Variants in BIN3 observed in about 807,000 individuals in gnomAD.
The protein encoded by BIN3 is bridging integrator 3.
Under a neutral mutation model 38.2 loss-of-function variants are expected in BIN3, and 41 were observed. The observed-to-expected ratio is 1.07, with a 90% CI of 0.84 to 1.39. BIN3 has a LOEUF of 1.39. Among genes scored for constraint, BIN3 ranks in the 40% most tolerant of loss-of-function variants. The probability of loss-of-function intolerance (pLI) is 0.00; values close to 1 mark genes in which losing one functional copy is unlikely to be tolerated. For synonymous variants in BIN3, 145 were observed against 122.6 expected, an observed-to-expected ratio of 1.18 and a Z score of -1.21; for missense variants, 361 against 324.3, an observed-to-expected ratio of 1.11 and a Z score of -0.87.
rs538504446 is a variant in BIN3 at position 22,635,252 on chromosome 8, G to T, written c.160+1273C>A. On this transcript the variant is annotated intron_variant, in intron 4 of 8. Coordinates refer to ENST00000276416, the MANE Select transcript of BIN3 (RefSeq NM_018688.6). ...CTCCTTATTTTTATTGACCTTGCAC[G>T]CCACGACGTGTCATTATATACCGAT... 1.3e-4 allele frequency among the ~76,000 whole-genome samples: 20 copies of T among 152,168 alleles called. No individual in the cohort carries two copies. The South Asian group carries it at 3.9e-3, about 30-fold the overall frequency.
At chr8:22,628,080 C>T (rs559767131) in intron 6 of BIN3, among the ~76,000 whole-genome samples, 6 of 152,266 alleles carry the variant, frequency 3.9e-5, no homozygotes, top group Non-Finnish European at 5.9e-5. Context: ...GGAAGGTGAG[C>T]GAGGCCGGCT....
intron 8 of BIN3, among the ~76,000 whole-genome samples, chr8:22,621,942 G>T (rs537874789): frequency 6.6e-6 from 1 of 152,372 alleles, no homozygotes; most frequent in East Asian, 1.9e-4. Flanking sequence ...CAGAAAGACA[G>T]CATGGTAGGC....
At chr8:22,622,294 C>T (rs1257977968) in intron 8 of BIN3, among the ~76,000 whole-genome samples, 1 of 152,232 alleles carries the variant, frequency 6.6e-6, no homozygotes, top group African/African-American at 2.4e-5. Flanking sequence ...CATGCAGTTT[C>T]CTGAAAGCTT....
intron 4 of BIN3, among the ~76,000 whole-genome samples, chr8:22,632,355 G>A (rs1226095889): frequency 2.6e-5 from 4 of 152,160 alleles, no homozygotes; most frequent in Non-Finnish European, 4.4e-5. Flanking sequence ...TAGCCAGCCC[G>A]GAGCACCCTC....
intron 8 of BIN3, among the ~76,000 whole-genome samples, chr8:22,621,884 T>C (rs1403158060): frequency 3.3e-5 from 5 of 152,214 alleles, no homozygotes; most frequent in Non-Finnish European, 5.9e-5. Flanking sequence ...GACTGGAGTT[T>C]TACTGCTTTT....
At chr8:22,659,406 G>A (rs1178384267) in intron 1 of BIN3, among the ~76,000 whole-genome samples, 6 of 152,200 alleles carry the variant, frequency 3.9e-5, no homozygotes, top group South Asian at 2.1e-4. Context: ...GTGACTTGGC[G>A]GTTTGTGACT....
chr8:22,638,033 AC>A (rs1265197799), intron 2 of BIN3, among the ~76,000 whole-genome samples: 6 of 152,124 alleles, frequency 3.9e-5, no homozygotes, highest in African/African-American at 1.4e-4. Flanking sequence ...TGTGTTCGTA[AC>A]CATCATTCTC....
At chr8:22,663,638 G>GA (rs1803316211) in intron 1 of BIN3, among the ~76,000 whole-genome samples, 1 of 152,086 alleles carries the variant, frequency 6.6e-6, no homozygotes, top group Admixed American at 6.5e-5. Flanking sequence ...GCATGGCACT[G>GA]AAAGCACTAT....
chr8:22,629,980 T>A lies in BIN3; in HGVS notation c.322A>T (p.Ile108Phe). The A allele has an allele frequency of 6.2e-7, 1 of 1,609,632 alleles. No individual in the cohort carries two copies. The highest frequency in any genetic ancestry group is 8.5e-7 in the Non-Finnish European group (1 of 1,177,800). Residue 108 changes from isoleucine (I) to phenylalanine (F), a missense_variant, in exon 6 of 9, where the codon ATC becomes TTC. By Grantham distance (21) the Ile-to-Phe change is conservative. Coordinates refer to ENST00000276416, the MANE Select transcript of BIN3 (RefSeq NM_018688.6). ...TTTACTCACTTTTTTAAGGGCTCGA[T>A]CACAGTCTTCTGGATCTGGTTCACC... ...EKVNQIQKTV[I>F]EPLKKFGSVF... is the part of the protein sequence containing the mutation.
At chr8:22,622,287 G>A (rs1190367660) in intron 8 of BIN3, among the ~76,000 whole-genome samples, 1 of 152,246 alleles carries the variant, frequency 6.6e-6, no homozygotes, top group African/African-American at 2.4e-5. Flanking sequence ...ATGAAAGCAT[G>A]CAGTTTCCTG....
At chr8:22,645,604 C>G (rs369931279) in intron 1 of BIN3, among the ~76,000 whole-genome samples, 34 of 134,578 alleles carry the variant, frequency 2.5e-4, no homozygotes. Context: ...GGAAGACACC[C>G]GCGAGGATGG....
Position 22,621,528 on chromosome 8 carries a change from A to G in BIN3, c.656T>C (p.Leu219Pro). ...YSEMHKIFGD[L>P]SHQLDQPGHS... ...GCCTGGCTGGTCAAGCTGATGGGAC[A>G]GGTCTCCAAAGATCTTGTGCATTTC... The change falls in exon 9 of 9, where the codon CTG (leucine) becomes CCG (proline). Residue 219 changes from leucine (L) to proline (P), a missense_variant. Coordinates refer to ENST00000276416, the MANE Select transcript of BIN3 (RefSeq NM_018688.6). The G allele has an allele frequency of 6.2e-7, 1 of 1,613,880 alleles. No homozygotes were observed. Among genetic ancestry groups the G allele is most frequent in the South Asian group, 1.1e-5 (1 of 91,090 alleles).
chr8:22,631,929 G>A (rs1388712803), intron 4 of BIN3, among the ~76,000 whole-genome samples: 2 of 152,230 alleles, frequency 1.3e-5, no homozygotes, highest in Non-Finnish European at 2.9e-5. Flanking sequence ...TGGAGGGGCA[G>A]GAAGCGGCCC....
chr8:22,627,878 C>T (rs542059593), intron 6 of BIN3, among the ~76,000 whole-genome samples: 8 of 152,272 alleles, frequency 5.3e-5, no homozygotes, highest in Non-Finnish European at 8.8e-5. Flanking sequence ...CCTGAGAACA[C>T]GCTGTGGCTT....
Position 22,669,080 on chromosome 8 carries a change from T to C in BIN3, c.-29A>G, listed in dbSNP as rs949675378. 3 of 1,590,134 alleles carry C rather than the reference T, an allele frequency of 1.9e-6. No homozygotes were observed. Among genetic ancestry groups the C allele is most frequent in the Middle Eastern group, 1.7e-4 (1 of 6,032 alleles). On this transcript the variant is annotated 5_prime_UTR_variant, in exon 1 of 9. Coordinates refer to ENST00000276416, the MANE Select transcript of BIN3 (RefSeq NM_018688.6). The stretch of plus-strand genomic sequence containing the variant: ...CCCGAACCTGCGTCTGCCGCCGGGG[T>C]CCTCAGCCACAACTCGTTTCTCTAG...
intron 1 of BIN3, among the ~76,000 whole-genome samples, chr8:22,668,266 CT>C (rs1803492252): frequency 1.3e-5 from 2 of 152,292 alleles, no homozygotes; most frequent in South Asian, 4.1e-4. Flanking sequence ...TGGGGATTGC[CT>C]TTTGGGCAAA....
At chr8:22,643,791 T>G (rs1423382670) in intron 2 of BIN3, among the ~76,000 whole-genome samples, 2 of 152,216 alleles carry the variant, frequency 1.3e-5, no homozygotes, top group Non-Finnish European at 2.9e-5. Flanking sequence ...CGTCAGGGGC[T>G]GGGATGACAG....
At chr8:22,660,852 A>G (rs1192655151) in intron 1 of BIN3, among the ~76,000 whole-genome samples, 2 of 152,192 alleles carry the variant, frequency 1.3e-5, no homozygotes, top group Non-Finnish European at 2.9e-5. Flanking sequence ...CTCCCTGAGT[A>G]TCGCACCCTG....
At chr8:22,648,049 G>A (rs1473533696) in intron 1 of BIN3, among the ~76,000 whole-genome samples, 5 of 150,460 alleles carry the variant, frequency 3.3e-5, no homozygotes, top group Non-Finnish European at 5.9e-5. Context: ...GCAGGAGAAT[G>A]GCATGAGCCT....
Sources: allele counts gnomAD v4.1 joint callset (sites outside exome capture counted in the v4.1 genomes callset), GRCh38; gene constraint gnomAD v4.1.1; transcripts MANE v1.5; gene names NCBI Gene and HGNC (gene_info 2026-07-23, HGNC 2026-07-21).